The following CADPS variants were observed in gnomAD, a reference collection of about 807,000 sequenced individuals.
The protein encoded by CADPS is calcium-dependent secretion activator 1.
Under a neutral mutation model 167.3 loss-of-function variants are expected in CADPS, and 57 were observed. The observed-to-expected ratio is 0.34, with a 90% confidence interval of 0.28 to 0.42. CADPS has a LOEUF of 0.42. Among genes scored for constraint, CADPS ranks in the 20% least tolerant of loss-of-function variants. The probability of loss-of-function intolerance (pLI) is 1.00; values close to 1 mark genes in which losing one functional copy is unlikely to be tolerated. For synonymous variants in CADPS, 676 were observed against 635.3 expected (o/e 1.06, Z -0.96); for missense variants, 1,414 against 1,738.1 (o/e 0.81, Z 3.32).
chr3:62,423,988 G>T (rs574335445), intron 28 of CADPS, among the ~76,000 whole-genome samples: 1 of 152,086 alleles, frequency 6.6e-6, no homozygotes, highest in Admixed American at 6.6e-5. Flanking sequence ...ATCTTTCCTC[G>T]TGTTTTCCTC....
chr3:62,806,557 A>C (rs1464660170), intron 1 of CADPS, among the ~76,000 whole-genome samples: 1 of 152,060 alleles, frequency 6.6e-6, no homozygotes, highest in African/African-American at 2.4e-5. Context: ...ACAGGGCATT[A>C]AAGTCTTTCT....
At chr3:62,772,070 T>C (rs2088980468) in intron 1 of CADPS, among the ~76,000 whole-genome samples, 2 of 152,108 alleles carry the variant, frequency 1.3e-5, no homozygotes, top group African/African-American at 4.8e-5. Context: ...GGTGGGATAA[T>C]ATACGTATAA....
rs558323195 is a variant in CADPS at position 62,441,050 on chromosome 3, A to G, written c.3670-2839T>C. ...TTCAAGTAGATTTCCAATCAAAACAATTAAAAGAAAAACTGTTCACAAACA... is the reference window on the plus strand; with the variant it reads ...TTCAAGTAGATTTCCAATCAAAACAGTTAAAAGAAAAACTGTTCACAAACA... On this transcript the variant is annotated intron_variant, in intron 27 of 29. Transcript: ENST00000383710. 5.9e-5 allele frequency: 9 copies of G among 152,352 alleles called. No individual in the cohort carries two copies. The East Asian group carries it at 1.2e-3, about 20-fold the overall frequency. The allele number at this position is 152,352 out of a possible 1,614,324, so 9.4% of individuals were successfully genotyped here.
chr3:62,696,250 G>A (rs2080254015), intron 3 of CADPS, among the ~76,000 whole-genome samples: 1 of 152,090 alleles, frequency 6.6e-6, no homozygotes, highest in African/African-American at 2.4e-5. Context: ...GTGATGCTAT[G>A]GGGAAAGCTG....
At chr3:62,606,256 T>C (rs1463096715) in intron 6 of CADPS, among the ~76,000 whole-genome samples, 1 of 152,176 alleles carries the variant, frequency 6.6e-6, no homozygotes, top group African/African-American at 2.4e-5. Context: ...TAAAATGTAA[T>C]CTCCAATATG....
At chr3:62,708,895 G>A (rs1311926448) in intron 3 of CADPS, among the ~76,000 whole-genome samples, 3 of 151,946 alleles carry the variant, frequency 2.0e-5, no homozygotes, top group Non-Finnish European at 4.4e-5. Context: ...CAAGCAGAAA[G>A]CAAGTGCAGA....
chr3:62,650,689 G>A (rs1001564118), intron 5 of CADPS, among the ~76,000 whole-genome samples, 158 bp downstream of exon 5: 10 of 152,138 alleles, frequency 6.6e-5, no homozygotes, highest in African/African-American at 2.4e-4. Flanking sequence ...CTGGAGATGG[G>A]GAATCACTTG....
intron 13 of CADPS, among the ~76,000 whole-genome samples, chr3:62,525,081 T>C (rs2071723954): frequency 6.6e-6 from 1 of 152,172 alleles, no homozygotes; most frequent in African/African-American, 2.4e-5. Context: ...GTTAATTCAA[T>C]GACTATGGGA....
intron 17 of CADPS, among the ~76,000 whole-genome samples, chr3:62,511,575 A>G (rs1266302428): frequency 1.3e-5 from 2 of 152,076 alleles, no homozygotes; most frequent in East Asian, 1.9e-4. Context: ...GGCTTTACAT[A>G]TTTGCACATA....
At chr3:62,543,134 G>A (rs561697270) in intron 11 of CADPS, among the ~76,000 whole-genome samples, 11 of 152,266 alleles carry the variant, frequency 7.2e-5, no homozygotes, top group Admixed American at 6.5e-4. Context: ...AGACCTGATT[G>A]TGGGAACATA....
intron 28 of CADPS, among the ~76,000 whole-genome samples, chr3:62,413,431 A>G (rs1418160621): frequency 6.6e-6 from 1 of 152,234 alleles, no homozygotes; most frequent in African/African-American, 2.4e-5. Flanking sequence ...ACAATGGAAT[A>G]TTATTCAGCC....
At chr3:62,571,810 C>T (rs767673624) in intron 8 of CADPS, among the ~76,000 whole-genome samples, 5 of 152,140 alleles carry the variant, frequency 3.3e-5, no homozygotes, top group South Asian at 4.1e-4. Flanking sequence ...TTGATCCACC[C>T]GCCTTGGCCT....
chr3:62,428,296 CTTTTTTTTTTTTTT>C (rs34002756), intron 28 of CADPS, among the ~76,000 whole-genome samples: 872 of 64,758 alleles, frequency 0.013, 50 homozygotes, highest in Admixed American at 0.073. Flanking sequence ...GGAAGCAAGA[CTTTTTTTTTTTTTT>C]TTTTTTTTTT....
intron 26 of CADPS, among the ~76,000 whole-genome samples, chr3:62,454,430 C>T (rs1700618906): frequency 6.6e-6 from 1 of 152,044 alleles, no homozygotes; most frequent in Non-Finnish European, 1.5e-5. Flanking sequence ...AAGTTGCTGT[C>T]CTCAGGGCAC....
intron 17 of CADPS, among the ~76,000 whole-genome samples, chr3:62,506,855 A>G (rs1467315447): frequency 6.6e-6 from 1 of 152,148 alleles, no homozygotes; most frequent in African/African-American, 2.4e-5. Context: ...TTTCTTCTAG[A>G]GTCATTAGCT....
chr3:62,667,008 G>T (rs1294125573), intron 3 of CADPS, among the ~76,000 whole-genome samples: 1 of 150,260 alleles, frequency 6.7e-6, no homozygotes. Flanking sequence ...ATTGTCCAAG[G>T]GAAGTCAGAC....
intron 1 of CADPS, among the ~76,000 whole-genome samples, chr3:62,804,796 T>A (rs2093990410): frequency 6.6e-6 from 1 of 152,158 alleles, no homozygotes; most frequent in Non-Finnish European, 1.5e-5. Context: ...TATATTTGTT[T>A]ATTTACTTCA....
At chr3:62,777,407 A>G (rs2090567268) in intron 1 of CADPS, among the ~76,000 whole-genome samples, 2 of 152,140 alleles carry the variant, frequency 1.3e-5, no homozygotes, top group Non-Finnish European at 2.9e-5. Flanking sequence ...GAATGTGGAG[A>G]CCTTGGCTGG....
At chr3:62,806,828 G>A (rs1161309416) in intron 1 of CADPS, among the ~76,000 whole-genome samples, 3 of 152,146 alleles carry the variant, frequency 2.0e-5, no homozygotes. Flanking sequence ...AGTTGAAAAG[G>A]CACTAATTCA....
Sources: allele counts gnomAD v4.1 joint callset (sites outside exome capture counted in the v4.1 genomes callset), GRCh38; gene constraint gnomAD v4.1.1; transcripts MANE v1.5; gene names NCBI Gene and HGNC (gene_info 2026-07-23, HGNC 2026-07-21).